EYA2: variants seen among roughly 807,000 people sequenced by gnomAD.
EYA2 encodes the protein protein phosphatase EYA2.
EYA2 carries 31 observed loss-of-function variants against 69.2 expected under a neutral mutation model. The observed-to-expected ratio is 0.45, with a 90% CI of 0.34 to 0.60. The LOEUF (loss-of-function observed/expected upper bound fraction) is 0.60, where lower values mean the gene tolerates loss of function less well. EYA2 is among the 20% of genes least tolerant of loss of function. The probability of loss-of-function intolerance (pLI) is 0.02; values close to 1 mark genes in which losing one functional copy is unlikely to be tolerated. For missense variants in EYA2, 622 were observed against 701.2 expected (o/e 0.89, Z 1.28); for synonymous variants, 257 against 279.4 (o/e 0.92, Z 0.80).
At chr20:46,921,865 T>G (rs934661280) in intron 1 of EYA2, among the ~76,000 whole-genome samples, 4 of 152,230 alleles carry the variant, frequency 2.6e-5, no homozygotes, top group Non-Finnish European at 5.9e-5. Flanking sequence ...CTTAAAGAAG[T>G]TTGAATGGAG....
intron 5 of EYA2, among the ~76,000 whole-genome samples, chr20:47,030,168 G>C (rs1197989353): frequency 6.6e-6 from 1 of 152,226 alleles, no homozygotes; most frequent in Non-Finnish European, 1.5e-5. Context: ...TTATCTGCCT[G>C]AATGTTTGGT....
Position 47,179,902 on chromosome 20 carries a change from A to G in EYA2, c.1303A>G (p.Ile435Val), listed in dbSNP as rs1417683312. The change falls in exon 13 of 16, where the codon ATC becomes GTC. Residue 435 changes from isoleucine to valine, a missense_variant. Transcript: ENST00000327619. ...CCACTCCCTGAAGGCACTAAACCTC[A>G]TCAACTCCCGGCAAGTGGCAGCCCT... ...LTHSLKALNL[I>V]NSRPNCVNVL... is the part of the protein sequence containing the mutation. 1 of 1,609,094 alleles carries G rather than the reference A, an allele frequency of 6.2e-7. No individual in the cohort carries two copies. The highest frequency in any genetic ancestry group is 8.5e-7 in the Non-Finnish European group (1 of 1,175,614).
At chr20:47,083,775 GAAAA>G (rs1220370514) in intron 7 of EYA2, among the ~76,000 whole-genome samples, 1 of 151,830 alleles carries the variant, frequency 6.6e-6, no homozygotes, top group Non-Finnish European at 1.5e-5. Context: ...GATCCAAAAA[GAAAA>G]AAAGAATATA....
At chr20:47,077,139 A>G (rs1430143839) in intron 7 of EYA2, among the ~76,000 whole-genome samples, 2 of 152,222 alleles carry the variant, frequency 1.3e-5, no homozygotes, top group Non-Finnish European at 2.9e-5. Context: ...AACTACAAGA[A>G]GACAGAAGAG....
At chr20:46,956,727 C>A (rs921422972) in intron 1 of EYA2, among the ~76,000 whole-genome samples, 7 of 152,180 alleles carry the variant, frequency 4.6e-5, no homozygotes, top group Admixed American at 4.6e-4. Context: ...ATTTGGTGGG[C>A]ACATAAGCAT....
intron 5 of EYA2, among the ~76,000 whole-genome samples, chr20:47,049,506 C>T (rs961313064): frequency 1.3e-5 from 2 of 152,154 alleles, no homozygotes; most frequent in African/African-American, 2.4e-5. Flanking sequence ...AATGAGTTCT[C>T]TCTGTTAATT....
chr20:47,023,609 T>C (rs1248709587), intron 5 of EYA2, among the ~76,000 whole-genome samples: 1 of 149,632 alleles, frequency 6.7e-6, no homozygotes, highest in Non-Finnish European at 1.5e-5. Context: ...ATCATTTTCA[T>C]CTCCAGAAGT....
At chr20:46,932,005 C>G (rs912631037) in intron 1 of EYA2, among the ~76,000 whole-genome samples, 3 of 150,714 alleles carry the variant, frequency 2.0e-5, no homozygotes, top group South Asian at 2.1e-4. Flanking sequence ...GGTGCCAGCC[C>G]GGCAGCCAGA....
intron 9 of EYA2, among the ~76,000 whole-genome samples, chr20:47,119,338 A>G (rs553160847): frequency 1.3e-4 from 20 of 152,310 alleles, no homozygotes; most frequent in African/African-American, 4.8e-4. Context: ...GTGAACTTTC[A>G]GGCCCCTCCG....
At chr20:47,139,839 T>G (rs1162612303) in intron 9 of EYA2, among the ~76,000 whole-genome samples, 1 of 152,194 alleles carries the variant, frequency 6.6e-6, no homozygotes, top group Non-Finnish European at 1.5e-5. Context: ...TGAGCTCTCT[T>G]TTCTCACCCT....
At position 47,126,220 on chromosome 20, in the gene EYA2, G is replaced by C. The variant is rs368672780; in HGVS notation, c.889-16839G>C. ...GCCTCCCCCGACCTTCCCTTCGCGT[G>C]GCACCTGAGAAAGGGGCAGCCCAGT... On this transcript the variant is annotated intron_variant, in intron 9 of 15. Transcript: ENST00000327619. 7.2e-5 allele frequency among the ~76,000 whole-genome samples: 11 copies of C among 152,304 alleles called. No homozygotes were observed. In the East Asian group the frequency reaches 2.1e-3, roughly 29 times the overall value.
chr20:47,044,632 G>T (rs968039578), intron 5 of EYA2, among the ~76,000 whole-genome samples: 1 of 152,134 alleles, frequency 6.6e-6, no homozygotes, highest in Non-Finnish European at 1.5e-5. Context: ...TTTGTAGAAC[G>T]CTGTTCATTT....
At chr20:46,964,808 G>A (rs141451814) in intron 1 of EYA2, among the ~76,000 whole-genome samples, 20 of 152,312 alleles carry the variant, frequency 1.3e-4, no homozygotes, top group Non-Finnish European at 2.2e-4. Flanking sequence ...CGGGCAGTGC[G>A]GCTCTAGAGT....
At chr20:47,062,210 C>T (rs186593277) in intron 5 of EYA2, among the ~76,000 whole-genome samples, 1 of 152,330 alleles carries the variant, frequency 6.6e-6, no homozygotes, top group East Asian at 1.9e-4. Flanking sequence ...AGCACTTCCT[C>T]AGCAGAGAAG....
At chr20:46,963,137 C>T (rs1238511758) in intron 1 of EYA2, among the ~76,000 whole-genome samples, 2 of 152,242 alleles carry the variant, frequency 1.3e-5, no homozygotes, top group African/African-American at 2.4e-5. Context: ...CACCCTGTAT[C>T]GGCTCCTTCT....
In EYA2 at chr20:47,106,034, T is replaced by C. The variant is rs546385061; in HGVS notation, c.888+8866T>C. Among the ~76,000 whole-genome samples, 3 of 152,342 alleles carry C rather than the reference T, an allele frequency of 2.0e-5. No homozygotes were observed. The East Asian group carries it at 5.8e-4, about 29-fold the overall frequency. On this transcript the variant is annotated intron_variant, in intron 9 of 15. Coordinates refer to ENST00000327619, the MANE Select transcript of EYA2 (RefSeq NM_005244.5). ...AGGGCAGGTTTATGAGCCTTGGCAA[T>C]GGCAGGAACAGATTGGCCAACGAGA...
At chr20:47,108,010 T>A (rs2032640892) in intron 9 of EYA2, among the ~76,000 whole-genome samples, 1 of 152,006 alleles carries the variant, frequency 6.6e-6, no homozygotes, top group Non-Finnish European at 1.5e-5. Context: ...AGCAGAAGTG[T>A]GCCTGGGGAG....
intron 1 of EYA2, among the ~76,000 whole-genome samples, chr20:46,895,926 G>T (rs1983787636): frequency 6.6e-6 from 1 of 152,230 alleles, no homozygotes; most frequent in South Asian, 2.1e-4. Context: ...AGTTGACAGC[G>T]TGCACCCTGC....
chr20:47,179,291 TGG>T (rs2034485781), intron 12 of EYA2, among the ~76,000 whole-genome samples: 1 of 62,882 alleles, frequency 1.6e-5, no homozygotes, highest in African/African-American at 6.5e-5. Flanking sequence ...GGTGGATGGG[TGG>T]ATGGGTGGGT....
Sources: gnomAD v4.1 joint callset for allele counts (sites outside exome capture counted in the v4.1 genomes callset) on GRCh38, gnomAD v4.1.1 for gene constraint, MANE v1.5 for transcripts, NCBI Gene and HGNC (gene_info 2026-07-23, HGNC 2026-07-21) for gene names.